The following TRANK1 variants were observed in gnomAD, a reference collection of about 807,000 sequenced individuals.
TRANK1 encodes TPR and ankyrin repeat-containing protein 1.
A neutral mutation model predicts 266.0 loss-of-function variants in TRANK1; 198 were observed. That is an observed-to-expected ratio of 0.74 (90% CI 0.66 to 0.84). The LOEUF (loss-of-function observed/expected upper bound fraction) is 0.84, where lower values mean the gene tolerates loss of function less well. TRANK1 is among the 40% of genes least tolerant of loss of function. TRANK1 has a pLI of 0.00. For missense variants in TRANK1, 3,326 were observed against 3,634.6 expected, an observed-to-expected ratio of 0.92 and a Z score of 2.18; for synonymous variants, 1,396 against 1,384.1, an observed-to-expected ratio of 1.01 and a Z score of -0.19.
At chr3:36,879,804 A>G (rs1277238461) in intron 8 of TRANK1, among the ~76,000 whole-genome samples, 1 of 95,840 alleles carries the variant, frequency 1.0e-5, no homozygotes, top group Non-Finnish European at 2.0e-5. Context: ...ATAAATATAC[A>G]AATATATGTA....
intron 1 of TRANK1, among the ~76,000 whole-genome samples, chr3:36,926,481 G>A (rs564397841): frequency 6.6e-6 from 1 of 152,110 alleles, no homozygotes; most frequent in African/African-American, 2.4e-5. Flanking sequence ...GAGAGACCTG[G>A]GCCAATCGAT....
chr3:36,863,381 A>T (rs545552034), intron 10 of TRANK1, among the ~76,000 whole-genome samples: 1 of 152,238 alleles, frequency 6.6e-6, no homozygotes, highest in Non-Finnish European at 1.5e-5. Flanking sequence ...ATCAAATGAC[A>T]TTAAGTCCAA....
Position 36,856,135 on chromosome 3 carries a change from G to A in TRANK1, c.3587C>T (p.Thr1196Ile). The A allele has an allele frequency of 6.2e-7, 1 of 1,613,888 alleles. No individual in the cohort carries two copies. Among genetic ancestry groups the A allele is most frequent in the Non-Finnish European group, 8.5e-7 (1 of 1,179,890 alleles). The change falls in exon 13 of 24, where the codon ACC becomes ATC. Residue 1196 changes from threonine to isoleucine, a missense_variant. Coordinates refer to ENST00000645898, the MANE Select transcript of TRANK1 (RefSeq NM_001329998.2). ...QLEHLHQIFV[T>I]KNHVLCQEVQ... is the part of the protein sequence containing the mutation. ...CTCCTGGCACAGCACATGGTTCTTGGTCACAAAGATCTGATGTAAATGCTC... is the reference window on the plus strand; with the variant it reads ...CTCCTGGCACAGCACATGGTTCTTGATCACAAAGATCTGATGTAAATGCTC...
At chr3:36,942,949 A>C (rs144205358) in intron 1 of TRANK1, among the ~76,000 whole-genome samples, 2 of 152,140 alleles carry the variant, frequency 1.3e-5, no homozygotes, top group East Asian at 3.9e-4. Context: ...GGCAGGCAGA[A>C]GCGGGTGGAT....
intron 1 of TRANK1, among the ~76,000 whole-genome samples, chr3:36,941,794 A>T (rs2080499940): frequency 6.6e-6 from 1 of 152,184 alleles, no homozygotes; most frequent in African/African-American, 2.4e-5. Flanking sequence ...TTTCCTGTAA[A>T]GATTTCTTAA....
chr3:36,907,557 C>T (rs530757741), intron 2 of TRANK1, among the ~76,000 whole-genome samples: 5 of 150,890 alleles, frequency 3.3e-5, no homozygotes, highest in East Asian at 3.9e-4. Context: ...CTCCACCTCC[C>T]GGGTTCACGC....
rs192918185 is a variant in TRANK1, at chr3:36,923,325, G to T, written c.24-14871C>A. 3.3e-4 allele frequency among the ~76,000 whole-genome samples: 49 copies of T among 146,430 alleles called. 2 individuals are homozygous for T. Among genetic ancestry groups the T allele is most frequent in the Admixed American group, 2.3e-3 (33 of 14,274 alleles). The stretch of plus-strand genomic sequence containing the variant: ...GGCTGGATTGCAGTGATACAATCTC[G>T]GCTCACTGCAACCTCCAACTCCCAG... On this transcript the variant is annotated intron_variant, in intron 1 of 23. Coordinates refer to ENST00000645898, the MANE Select transcript of TRANK1 (RefSeq NM_001329998.2).
intron 1 of TRANK1, among the ~76,000 whole-genome samples, chr3:36,923,468 C>A (rs1186109205): frequency 6.6e-6 from 1 of 152,108 alleles, no homozygotes; most frequent in East Asian, 1.9e-4. Flanking sequence ...GTTGCCCAGG[C>A]TGGTCTCGAT....
At chr3:36,939,528 T>C (rs1470429260) in intron 1 of TRANK1, among the ~76,000 whole-genome samples, 1 of 152,160 alleles carries the variant, frequency 6.6e-6, no homozygotes, top group Non-Finnish European at 1.5e-5. Context: ...CCAGGCCTGG[T>C]GTCAGGTGGT....
Position 36,856,494 on chromosome 3 carries a change from C to T in TRANK1, c.3228G>A (p.Gly1076=), listed in dbSNP as rs1427052761. Residue 1076 remains glycine (G), a synonymous_variant, in exon 13 of 24, where the codon GGG becomes GGA. Coordinates refer to ENST00000645898, the MANE Select transcript of TRANK1 (RefSeq NM_001329998.2). ...AGGTTGTCTTCCCAGTGCCACTTCG[C>T]CCAATAAGGATGATGGGCTCCAGTG... The part of the protein sequence containing the change: ...PRPLEPIILI[G]RSGTGKTTCC... The T allele has an allele frequency of 2.5e-6, 4 of 1,614,002 alleles. No individual in the cohort carries two copies. The highest frequency in any genetic ancestry group is 2.2e-5 in the South Asian group (2 of 91,086).
chr3:36,869,869 T>G (rs959391743), intron 9 of TRANK1, among the ~76,000 whole-genome samples: 1 of 152,256 alleles, frequency 6.6e-6, no homozygotes, highest in South Asian at 2.1e-4. Flanking sequence ...TCAGACAGAA[T>G]AGGTGTAGGA....
Position 36,899,205 on chromosome 3 carries a change from C to T in TRANK1, c.337G>A (p.Ala113Thr), listed in dbSNP as rs956425486. The T allele has an allele frequency of 9.8e-6, 15 of 1,537,158 alleles. No homozygotes were observed. Among genetic ancestry groups the T allele is most frequent in the African/African-American group, 9.6e-5 (7 of 73,054 alleles). The change falls in exon 4 of 24, where the codon GCT becomes ACT. Residue 113 changes from alanine (A) to threonine (T), a missense_variant. Transcript: ENST00000645898. ...LLRLHQPYEA[A>T]RMFFEGLRLV... The stretch of plus-strand genomic sequence containing the variant: ...CGCAGACCCTCAAAAAACATGCGAG[C>T]GGCTTCGTAAGGCTGGTGCAACCTC...
chr3:36,875,079 A>T (rs952321500), intron 8 of TRANK1, among the ~76,000 whole-genome samples: 1 of 152,000 alleles, frequency 6.6e-6, no homozygotes, highest in Non-Finnish European at 1.5e-5. Flanking sequence ...GCAGAATTCT[A>T]AGCCCCCAAG....
intron 20 of TRANK1, 100 bp downstream of exon 20, chr3:36,838,272 T>C: frequency 6.6e-7 from 1 of 1,513,070 alleles, no homozygotes; most frequent in Non-Finnish European, 8.9e-7. Flanking sequence ...CTTGGAAGAC[T>C]GCAGCCTCTT....
At chr3:36,920,551 T>A (rs2080200276) in intron 1 of TRANK1, among the ~76,000 whole-genome samples, 1 of 152,236 alleles carries the variant, frequency 6.6e-6, no homozygotes. Context: ...TTTATCATCA[T>A]TCTGGATAAG....
chr3:36,878,549 G>A (rs545207560), intron 8 of TRANK1, among the ~76,000 whole-genome samples: 1 of 152,194 alleles, frequency 6.6e-6, no homozygotes, highest in South Asian at 2.1e-4. Flanking sequence ...CTGTAAGTGA[G>A]GGCTACACAG....
intron 1 of TRANK1, among the ~76,000 whole-genome samples, chr3:36,918,510 A>AAGGAAG (rs1559473205): frequency 8.2e-5 from 3 of 36,448 alleles, no homozygotes; most frequent in African/African-American, 3.6e-4. Flanking sequence ...AAAGAAAGAA[A>AAGGAAG]GAAAGAAAGA....
At chr3:36,933,399 A>G (rs534249746) in intron 1 of TRANK1, among the ~76,000 whole-genome samples, 1 of 152,368 alleles carries the variant, frequency 6.6e-6, no homozygotes, top group East Asian at 1.9e-4. Flanking sequence ...TGAGTGTTCA[A>G]TCTCCTTAGG....
At chr3:36,919,272 C>A (rs780360604) in intron 1 of TRANK1, among the ~76,000 whole-genome samples, 11 of 152,354 alleles carry the variant, frequency 7.2e-5, no homozygotes, top group Non-Finnish European at 1.3e-4. Flanking sequence ...TAGAACATTT[C>A]CAGGTCTCCA....
Sources: allele counts gnomAD v4.1 joint callset (sites outside exome capture counted in the v4.1 genomes callset), GRCh38; gene constraint gnomAD v4.1.1; transcripts MANE v1.5; gene names NCBI Gene and HGNC (gene_info 2026-07-23, HGNC 2026-07-21).